Variants in LRRC37A2 observed in about 807,000 individuals in gnomAD.
LRRC37A2 encodes leucine rich repeat containing 37 member A2, also known as leucine-rich repeat-containing protein 37A2.
LRRC37A2 carries 9 observed loss-of-function variants against 68.8 expected under a neutral mutation model. The observed-to-expected ratio is 0.13, with a 90% CI of 0.08 to 0.23. The LOEUF is 0.23. LRRC37A2 is among the 10% of genes least tolerant of loss of function. The pLI is 1.00. For missense variants in LRRC37A2, 168 were observed against 950.4 expected (o/e 0.18, Z 10.82); for synonymous variants, 63 against 367.6 (o/e 0.17, Z 9.48).
At chr17:46,872,416 G>A in the LRRC37A2 span, 7 of 1,386,726 alleles carry the variant, frequency 5.0e-6, no homozygotes, top group Non-Finnish European at 1.9e-6. Context: ...CTGCTGCCCA[G>A]AAGGGCAGTA....
At chr17:46,977,998 G>T in the LRRC37A2 span, among the ~76,000 whole-genome samples, 1 of 152,260 alleles carries the variant, frequency 6.6e-6, no homozygotes, top group African/African-American at 2.4e-5. Flanking sequence ...CCTCGCTCTG[G>T]CCTCCGCGTG....
the LRRC37A2 span, among the ~76,000 whole-genome samples, chr17:46,678,804 C>T: frequency 6.1e-5 from 8 of 130,442 alleles, no homozygotes; most frequent in African/African-American, 2.1e-4. Flanking sequence ...TAGCTAGTAG[C>T]TGTCTTCTCA....
the LRRC37A2 span, chr17:46,936,605 C>T: frequency 2.0e-6 from 2 of 985,458 alleles, no homozygotes; most frequent in Non-Finnish European, 2.4e-6. Flanking sequence ...GGCTGAAGCA[C>T]TCTGATGACT....
chr17:46,955,023 A>G, the LRRC37A2 span, among the ~76,000 whole-genome samples: 1 of 152,158 alleles, frequency 6.6e-6, no homozygotes, highest in Non-Finnish European at 1.5e-5. Context: ...CTTCTGCCTG[A>G]TTGCCCTGGC....
chr17:46,967,161 C>A, the LRRC37A2 span, among the ~76,000 whole-genome samples: 4 of 152,192 alleles, frequency 2.6e-5, no homozygotes, highest in East Asian at 7.7e-4. Flanking sequence ...TAACAGGATG[C>A]AGAGCGAGGC....
At chr17:46,935,854 G>A in the LRRC37A2 span, 1 of 986,126 alleles carries the variant, frequency 1.0e-6, no homozygotes, top group Non-Finnish European at 1.2e-6. Flanking sequence ...CCCTTTTCCT[G>A]TATCAACCCT....
At chr17:46,834,707 A>G in the LRRC37A2 span, among the ~76,000 whole-genome samples, 36 of 151,986 alleles carry the variant, frequency 2.4e-4, no homozygotes, top group Admixed American at 9.2e-4. Context: ...CAGAGGAGCC[A>G]GTTTTAACCT....
the LRRC37A2 span, among the ~76,000 whole-genome samples, chr17:46,846,341 T>C: frequency 7.2e-5 from 11 of 152,232 alleles, no homozygotes; most frequent in Non-Finnish European, 7.3e-5. Flanking sequence ...TTTAACAATG[T>C]TTTTACTGTG....
At chr17:47,022,166 C>CTTTTTT in the LRRC37A2 span, among the ~76,000 whole-genome samples, 64 of 15,838 alleles carry the variant, frequency 4.0e-3, 12 homozygotes, top group East Asian at 0.033. Context: ...CCTTTTTGTT[C>CTTTTTT]TCTTTTTTTT....
the LRRC37A2 span, among the ~76,000 whole-genome samples, chr17:46,847,594 C>A: frequency 6.6e-6 from 1 of 152,224 alleles, no homozygotes; most frequent in Non-Finnish European, 1.5e-5. Flanking sequence ...CCCACACCCA[C>A]ACCAGTCCTG....
chr17:46,844,546 TGTG>T, the LRRC37A2 span, among the ~76,000 whole-genome samples: 7 of 151,996 alleles, frequency 4.6e-5, no homozygotes, highest in African/African-American at 1.7e-4. Context: ...GAGGAAATGG[TGTG>T]GTGGTGGCCG....
the LRRC37A2 span, among the ~76,000 whole-genome samples, chr17:46,822,547 C>A: frequency 6.6e-6 from 1 of 152,190 alleles, no homozygotes; most frequent in African/African-American, 2.4e-5. Context: ...GGTCAGCAGG[C>A]GAGGAAGGGG....
chr17:46,385,445 T>C, the LRRC37A2 span, among the ~76,000 whole-genome samples: 1 of 19,922 alleles, frequency 5.0e-5, no homozygotes. Context: ...TCCAGTCCTT[T>C]TTCTTCACCT....
At chr17:46,775,874 A>G in the LRRC37A2 span, among the ~76,000 whole-genome samples, 1 of 151,938 alleles carries the variant, frequency 6.6e-6, no homozygotes, top group Non-Finnish European at 1.5e-5. Context: ...CGGCCTCCCA[A>G]AGTGCTGGGA....
chr17:46,889,859 G>A, the LRRC37A2 span, among the ~76,000 whole-genome samples: 2 of 152,118 alleles, frequency 1.3e-5, no homozygotes, highest in African/African-American at 2.4e-5. Context: ...ACCTCTCTGT[G>A]ACTTTATTTC....
chr17:47,028,634 C>T, the LRRC37A2 span, among the ~76,000 whole-genome samples: 36 of 152,190 alleles, frequency 2.4e-4, no homozygotes, highest in Middle Eastern at 3.4e-3. Context: ...TATTGCTGGG[C>T]GGGGTGGCTC....
At chr17:47,027,993 T>C in the LRRC37A2 span, among the ~76,000 whole-genome samples, 4 of 152,200 alleles carry the variant, frequency 2.6e-5, no homozygotes, top group Non-Finnish European at 5.9e-5. Flanking sequence ...AAGAGTTATA[T>C]AGTCCAAAAT....
At chr17:46,768,134 C>A in the LRRC37A2 span, among the ~76,000 whole-genome samples, 1 of 152,184 alleles carries the variant, frequency 6.6e-6, no homozygotes, top group African/African-American at 2.4e-5. This position sits in a 1 kb window ranked among gnomAD's most constrained non-coding sequence, Gnocchi z 5.0. Context: ...CAAGTCTCTG[C>A]CCAAGGACCA....
At chr17:46,568,971 C>G in the LRRC37A2 span, among the ~76,000 whole-genome samples, 3 of 102,080 alleles carry the variant, frequency 2.9e-5, no homozygotes, top group Non-Finnish European at 5.7e-5. Context: ...GAGATGGAGT[C>G]TCGCCCTGTC....
Sources: gnomAD v4.1 joint callset for allele counts (sites outside exome capture counted in the v4.1 genomes callset) on GRCh38, gnomAD v4.1.1 for gene constraint, Gnocchi (gnomAD v3.1) non-coding constraint, MANE v1.5 for transcripts, NCBI Gene and HGNC (gene_info 2026-07-23, HGNC 2026-07-21) for gene names.